Variants in ADGRL2 observed in about 807,000 individuals in gnomAD.
The protein encoded by ADGRL2 is calcium-independent alpha-latrotoxin receptor 2.
In ADGRL2, 44 loss-of-function variants were observed where a neutral mutation model predicts 157.4. The ratio of observed to expected loss-of-function variants is 0.28; its 90% CI spans 0.22 to 0.36. ADGRL2 has a LOEUF of 0.36. Ranked by LOEUF, ADGRL2 falls within the 10% of genes least tolerant of loss-of-function variation. The pLI, the probability that ADGRL2 is intolerant of heterozygous loss-of-function variation, is 1.00. For missense variants in ADGRL2, 1,510 were observed against 1,768.9 expected, an observed-to-expected ratio of 0.85 and a Z score of 2.63; for synonymous variants, 585 against 624.7, an observed-to-expected ratio of 0.94 and a Z score of 0.95.
chr1:81,794,706 A>C (rs1245161210), intron 2 of ADGRL2, among the ~76,000 whole-genome samples: 1 of 152,162 alleles, frequency 6.6e-6, no homozygotes, highest in Non-Finnish European at 1.5e-5. Flanking sequence ...CTATTACATC[A>C]TTGTTTGGTC....
chr1:81,546,055 T>A (rs911444241), intron 2 of ADGRL2, among the ~76,000 whole-genome samples: 3 of 151,702 alleles, frequency 2.0e-5, no homozygotes, highest in South Asian at 2.1e-4. Flanking sequence ...TTAAAAATAT[T>A]TTTTTTTTCT....
Position 81,950,501 on chromosome 1 carries a change from C to T in ADGRL2, c.1504+19C>T, listed in dbSNP as rs1177317327. 1 of 1,588,996 alleles carries T rather than the reference C, an allele frequency of 6.3e-7. No individual in the cohort carries two copies. The highest frequency in any genetic ancestry group is 8.6e-7 in the Non-Finnish European group (1 of 1,167,498). On this transcript the variant is annotated intron_variant, in intron 7 of 23. Coordinates refer to ENST00000686636, the MANE Select transcript of ADGRL2 (RefSeq NM_001366006.2). ...ACAAGAGGTATTTTCTATAAACTACCATGCATACATTTTTCAATTTAGTAA... is the reference window on the plus strand; with the variant it reads ...ACAAGAGGTATTTTCTATAAACTACTATGCATACATTTTTCAATTTAGTAA...
intron 15 of ADGRL2, 29 bp from the exon 16 acceptor site, chr1:81,970,285 T>C (rs369449299): frequency 6.7e-7 from 1 of 1,498,462 alleles, no homozygotes; most frequent in Non-Finnish European, 9.3e-7. Context: ...TGAGTTTTCT[T>C]TTGTGTTTTT....
intron 3 of ADGRL2, among the ~76,000 whole-genome samples, chr1:81,603,923 A>G (rs2081381497): frequency 6.6e-6 from 1 of 151,682 alleles, no homozygotes; most frequent in African/African-American, 2.4e-5. Flanking sequence ...TGTTTTAACT[A>G]GTCAATCTTT....
chr1:81,433,738 A>G (rs1302066511), intron 1 of ADGRL2, among the ~76,000 whole-genome samples: 3 of 152,260 alleles, frequency 2.0e-5, no homozygotes, highest in Admixed American at 6.5e-5. Context: ...AATGGCTTGA[A>G]AGAAGTATGT....
At chr1:81,960,585 C>A (rs898732128) in intron 11 of ADGRL2, among the ~76,000 whole-genome samples, 10 of 152,016 alleles carry the variant, frequency 6.6e-5, no homozygotes, top group African/African-American at 2.2e-4. Flanking sequence ...AGTGATTCTC[C>A]TACCTCGGCC....
chr1:81,464,596 C>A (rs1048930976), intron 2 of ADGRL2, among the ~76,000 whole-genome samples: 1 of 152,110 alleles, frequency 6.6e-6, no homozygotes, highest in Non-Finnish European at 1.5e-5. Flanking sequence ...TCATAATGGA[C>A]TTGATAATAA....
chr1:81,809,031 T>A (rs2089520711), intron 1 of ADGRL2, among the ~76,000 whole-genome samples: 2 of 152,082 alleles, frequency 1.3e-5, no homozygotes, highest in South Asian at 4.1e-4. Context: ...TTAGCCCAGA[T>A]GTAATGTCTC....
chr1:81,657,190 T>C (rs940571409), intron 3 of ADGRL2, among the ~76,000 whole-genome samples: 1 of 152,046 alleles, frequency 6.6e-6, no homozygotes, highest in Admixed American at 6.5e-5. Flanking sequence ...AATGTGATCA[T>C]ATTAAAAGGT....
chr1:81,595,014 GGTGC>G (rs201591061), intron 3 of ADGRL2, among the ~76,000 whole-genome samples: 2,751 of 152,308 alleles, frequency 0.018, 34 homozygotes, highest in Middle Eastern at 0.031. Flanking sequence ...GGAACTGACA[GGTGC>G]TAAGAAGGCA....
chr1:81,703,921 G>A (rs560735918), intron 1 of ADGRL2, among the ~76,000 whole-genome samples: 41 of 152,310 alleles, frequency 2.7e-4, no homozygotes, highest in Non-Finnish European at 4.3e-4. Flanking sequence ...GTGTGGGGCA[G>A]ATATCTGCAT....
intron 11 of ADGRL2, among the ~76,000 whole-genome samples, chr1:81,958,751 G>A (rs1654411715): frequency 6.6e-6 from 1 of 152,120 alleles, no homozygotes; most frequent in African/African-American, 2.4e-5. Flanking sequence ...TGTGTCCTCA[G>A]ATGGGCCCTT....
At chr1:81,782,642 C>T (rs1330148863) in intron 2 of ADGRL2, among the ~76,000 whole-genome samples, 1 of 152,178 alleles carries the variant, frequency 6.6e-6, no homozygotes, top group Non-Finnish European at 1.5e-5. Context: ...CACTCTATCA[C>T]AACCACTTGA....
intron 1 of ADGRL2, among the ~76,000 whole-genome samples, chr1:81,746,961 T>TATACACAC (rs1426281170): frequency 8.6e-5 from 12 of 139,936 alleles, no homozygotes; most frequent in South Asian, 6.8e-4. Flanking sequence ...TATATACGTA[T>TATACACAC]ATACACACGT....
At chr1:81,696,511 G>T (rs182443574), upstream of ADGRL2, among the ~76,000 whole-genome samples, 41 of 152,244 alleles carry the variant, frequency 2.7e-4, no homozygotes, top group African/African-American at 9.4e-4. Context: ...CCAGCACTTT[G>T]GGAGGCTGAG....
At chr1:81,696,624 C>T (rs1240095343), upstream of ADGRL2, among the ~76,000 whole-genome samples, 8 of 152,080 alleles carry the variant, frequency 5.3e-5, no homozygotes, top group East Asian at 1.9e-4. Context: ...TGGTGGCGGG[C>T]GCCTGTAGTC....
At chr1:81,546,056 T>C (rs2080010057) in intron 2 of ADGRL2, among the ~76,000 whole-genome samples, 1 of 152,146 alleles carries the variant, frequency 6.6e-6, no homozygotes, top group Non-Finnish European at 1.5e-5. Context: ...TAAAAATATT[T>C]TTTTTTTCTG....
At position 81,985,386 on chromosome 1, in the gene ADGRL2, C is replaced by T. The variant is rs767521595; in HGVS notation, c.3508+31C>T. 1.1e-5 allele frequency: 14 copies of T among 1,242,628 alleles called. No individual in the cohort carries two copies. The African/African-American group carries it at 1.9e-4, about 17-fold the overall frequency. 77.0% of individuals were successfully genotyped at this position (1,242,628 alleles called of 1,614,324 possible). On this transcript the variant is annotated intron_variant, in intron 21 of 23. Transcript: ENST00000686636. ...TTATCAGGAAAATTTGAGTTACTAC[C>T]ATTTATTAAAGTACATATAAGTTCC...
intron 1 of ADGRL2, among the ~76,000 whole-genome samples, chr1:81,734,272 C>A (rs979316658): frequency 2.7e-5 from 4 of 150,302 alleles, no homozygotes; most frequent in African/African-American, 7.4e-5. Context: ...AGCAAAACTC[C>A]ATCTCAAAGA....
Sources: gnomAD v4.1 joint callset for allele counts (sites outside exome capture counted in the v4.1 genomes callset) on GRCh38, gnomAD v4.1.1 for gene constraint, MANE v1.5 for transcripts, NCBI Gene and HGNC (gene_info 2026-07-23, HGNC 2026-07-21) for gene names.